Variants in WDHD1 observed in about 807,000 individuals in gnomAD.
The protein encoded by WDHD1 is WD repeat and HMG-box DNA-binding protein 1.
Under a neutral mutation model 135.4 loss-of-function variants are expected in WDHD1, and 111 were observed. That is an observed-to-expected ratio of 0.82 (90% CI 0.70 to 0.96). WDHD1 has a LOEUF of 0.96. Among genes scored for constraint, WDHD1 ranks in the 40% least tolerant of loss-of-function variants. The probability of loss-of-function intolerance (pLI) is 0.00; values close to 1 mark genes in which losing one functional copy is unlikely to be tolerated. For missense variants in WDHD1, 1,351 were observed against 1,336.3 expected (o/e 1.01, Z -0.17); for synonymous variants, 434 against 439.0 (o/e 0.99, Z 0.14).
At chr14:55,019,245 T>C (rs2140231650) in intron 2 of WDHD1, among the ~76,000 whole-genome samples, 1 of 152,338 alleles carries the variant, frequency 6.6e-6, no homozygotes, top group East Asian at 1.9e-4. Flanking sequence ...TTATCTTACA[T>C]ATGTTAACAT....
chr14:54,975,427 A>G (rs1006636705), intron 16 of WDHD1, among the ~76,000 whole-genome samples: 1 of 151,238 alleles, frequency 6.6e-6, no homozygotes, highest in African/African-American at 2.4e-5. Context: ...GGCTCACTGC[A>G]ACCTCTACCT....
chr14:54,971,444 G>A (rs2041430446), intron 16 of WDHD1, among the ~76,000 whole-genome samples: 1 of 152,064 alleles, frequency 6.6e-6, no homozygotes, highest in African/African-American at 2.4e-5. Flanking sequence ...AGGTGTGGTG[G>A]CATGTGCCTG....
chr14:54,994,196 T>G (rs1393634461), intron 11 of WDHD1, among the ~76,000 whole-genome samples: 1 of 152,232 alleles, frequency 6.6e-6, no homozygotes, highest in Non-Finnish European at 1.5e-5. Flanking sequence ...AATTACAATC[T>G]CAATTTCTTT....
rs1269955812 is a variant in WDHD1, at chr14:55,024,943, T to C, written c.77+1768A>G. ...ATGGCCTCGTGGGAAGGGAAAGACCTGACCGTCCCGTAAAGGGTCTGTGCT... is the reference window on the plus strand; with the variant it reads ...ATGGCCTCGTGGGAAGGGAAAGACCCGACCGTCCCGTAAAGGGTCTGTGCT... On this transcript the variant is annotated intron_variant, in intron 2 of 25. Transcript: ENST00000360586. Among the ~76,000 whole-genome samples the C allele has an allele frequency of 2.9e-5, 3 of 102,032 alleles. 1 individual carries two copies. The highest frequency in any genetic ancestry group is 6.8e-5 in the Non-Finnish European group (3 of 44,120). The allele number at this position is 102,032 out of a possible 152,430, so 66.9% of individuals were successfully genotyped here.
intron 25 of WDHD1, among the ~76,000 whole-genome samples, chr14:54,942,316 G>A (rs7157783): frequency 0.037 from 5,641 of 152,004 alleles, 350 homozygotes; most frequent in African/African-American, 0.13. Flanking sequence ...GATAATTGCA[G>A]TTTCACATGC....
intron 3 of WDHD1, among the ~76,000 whole-genome samples, chr14:55,013,191 T>C: frequency 2.8e-5 from 2 of 71,428 alleles, no homozygotes; most frequent in Non-Finnish European, 5.2e-5. Context: ...CAAGATCCCG[T>C]TTCAAAAAAA....
intron 23 of WDHD1, 80 bp downstream of exon 23, chr14:54,956,954 T>C (rs1384915343): frequency 2.0e-6 from 3 of 1,505,044 alleles, no homozygotes; most frequent in Non-Finnish European, 2.7e-6. Context: ...CCTCCTATCC[T>C]ATATCTGAAA....
At chr14:54,961,974 T>C (rs1331314275) in intron 21 of WDHD1, among the ~76,000 whole-genome samples, 1 of 152,070 alleles carries the variant, frequency 6.6e-6, no homozygotes, top group Admixed American at 6.6e-5. Flanking sequence ...GTAGCTGGGA[T>C]TACAGGCACA....
Position 54,962,819 on chromosome 14 carries a change from T to C in WDHD1, c.2566A>G (p.Arg856Gly). 1 of 1,613,164 alleles carries C rather than the reference T, an allele frequency of 6.2e-7. No individual in the cohort carries two copies. Among genetic ancestry groups the C allele is most frequent in the South Asian group, 1.1e-5 (1 of 91,084 alleles). ...TCTTCTTCAACTTGATTTCTGAACC[T>C]TGGTTGGCTCCACTCTGTAGCAGTA... ...SNTATEWSQPRFRNQVEEDAE... is the reference protein window; with the variant it reads ...SNTATEWSQPGFRNQVEEDAE... The change falls in exon 20 of 26, where the codon AGG becomes GGG. Residue 856 changes from arginine (R) to glycine (G), a missense_variant. Physicochemically the swap from Arg to Gly is moderately radical, Grantham distance 125. Transcript: ENST00000360586.
At chr14:55,000,000 G>A (rs538695072) in intron 10 of WDHD1, among the ~76,000 whole-genome samples, 66 of 152,264 alleles carry the variant, frequency 4.3e-4, no homozygotes, top group African/African-American at 1.6e-3. Context: ...TTTCAGGAGG[G>A]ACAGCTATAA....
At chr14:55,007,040 A>G (rs1296519475) in intron 7 of WDHD1, among the ~76,000 whole-genome samples, 2 of 152,022 alleles carry the variant, frequency 1.3e-5, no homozygotes, top group Non-Finnish European at 2.9e-5. Context: ...CAGCCTGGGC[A>G]ACACGATGAA....
chr14:54,961,129 C>T (rs953703236), intron 21 of WDHD1, among the ~76,000 whole-genome samples: 5 of 152,022 alleles, frequency 3.3e-5, no homozygotes, highest in African/African-American at 1.2e-4. Flanking sequence ...TGTTCTTCTT[C>T]AGCACAGTGT....
At chr14:54,944,261 A>G in intron 25 of WDHD1, 71 bp downstream of exon 25, 1 of 1,580,738 alleles carries the variant, frequency 6.3e-7, no homozygotes, top group South Asian at 1.2e-5. Context: ...CCCAGCCAAA[A>G]GGCATTTCTA....
At chr14:54,963,600 C>T (rs1208047498) in intron 18 of WDHD1, among the ~76,000 whole-genome samples, 4 of 152,024 alleles carry the variant, frequency 2.6e-5, no homozygotes, top group East Asian at 1.9e-4. Flanking sequence ...GTGAGGAGTT[C>T]GAGATCAGCC....
rs2040838418 is a variant in WDHD1, at chr14:54,941,558, T to C, written c.3322A>G (p.Lys1108Glu). The change falls in exon 26 of 26, where the codon AAA (lysine) becomes GAA (glutamate). Residue 1108 changes from lysine (K) to glutamate (E), a missense_variant. Physicochemically the swap from Lys to Glu is moderately conservative, Grantham distance 56. Coordinates refer to ENST00000360586, the MANE Select transcript of WDHD1 (RefSeq NM_007086.4). Reference sequence around the variant, plus strand: ...GAAAAATCTAAAGGTTTCTGCTTTTTAGACAAATTCAGGTTCTCTTTTGCT... The same window carrying C: ...GAAAAATCTAAAGGTTTCTGCTTTTCAGACAAATTCAGGTTCTCTTTTGCT... ...EKAKENLNLS[K>E]KQKPLDFSTN... 1.2e-6 allele frequency: 2 copies of C among 1,614,014 alleles called. No homozygotes were observed. The highest frequency in any genetic ancestry group is 1.7e-6 in the Non-Finnish European group (2 of 1,179,960).
chr14:55,020,841 T>A (rs967590950), intron 2 of WDHD1, among the ~76,000 whole-genome samples: 10 of 152,254 alleles, frequency 6.6e-5, no homozygotes, highest in Non-Finnish European at 1.5e-4. Context: ...GTCTATGTAT[T>A]ATATACTGTA....
intron 12 of WDHD1, among the ~76,000 whole-genome samples, chr14:54,990,850 A>C (rs1334665671): frequency 6.6e-6 from 1 of 152,172 alleles, no homozygotes; most frequent in East Asian, 1.9e-4. Context: ...GTTGCCTTCT[A>C]AGAAAGCACC....
At chr14:54,965,987 A>G (rs2041334504) in intron 18 of WDHD1, among the ~76,000 whole-genome samples, 1 of 151,332 alleles carries the variant, frequency 6.6e-6, no homozygotes, top group South Asian at 2.1e-4. Flanking sequence ...TTTTAACTGC[A>G]AGACCAACTA....
At chr14:54,945,880 C>T (rs2040915718) in intron 24 of WDHD1, among the ~76,000 whole-genome samples, 1 of 152,148 alleles carries the variant, frequency 6.6e-6, no homozygotes, top group Admixed American at 6.5e-5. Context: ...ACGCCCCTCA[C>T]TAGGCTGAAC....
Sources: gnomAD v4.1 joint callset for allele counts (sites outside exome capture counted in the v4.1 genomes callset) on GRCh38, gnomAD v4.1.1 for gene constraint, MANE v1.5 for transcripts, NCBI Gene and HGNC (gene_info 2026-07-23, HGNC 2026-07-21) for gene names.